Variants in GRK3 observed in about 807,000 individuals in gnomAD.
GRK3 encodes G protein-coupled receptor kinase 3.
In GRK3, 54 loss-of-function variants were observed where a neutral mutation model predicts 95.7. The observed-to-expected ratio is 0.56, with a 90% CI of 0.45 to 0.71. The LOEUF is 0.71. Among genes scored for constraint, GRK3 ranks in the 30% least tolerant of loss-of-function variants. The pLI is 0.00. For missense variants in GRK3, 649 were observed against 851.2 expected, an observed-to-expected ratio of 0.76 and a Z score of 2.96; for synonymous variants, 281 against 290.8, an observed-to-expected ratio of 0.97 and a Z score of 0.34.
At chr22:25,688,709 G>T (rs1162789236) in intron 11 of GRK3, among the ~76,000 whole-genome samples, 1 of 152,218 alleles carries the variant, frequency 6.6e-6, no homozygotes, top group Non-Finnish European at 1.5e-5. Context: ...CTTGGTCCTG[G>T]GTTTTACATG....
chr22:25,691,685 T>C (rs895201471), intron 12 of GRK3, among the ~76,000 whole-genome samples: 4 of 152,354 alleles, frequency 2.6e-5, no homozygotes, highest in African/African-American at 9.6e-5. Flanking sequence ...CAGTTTAGTA[T>C]AGTCATAACT....
chr22:25,660,237 T>A (rs2084901147), intron 3 of GRK3, among the ~76,000 whole-genome samples: 1 of 152,222 alleles, frequency 6.6e-6, no homozygotes, highest in South Asian at 2.1e-4. Context: ...TCACATCTGG[T>A]ATGGTGCTTG....
intron 15 of GRK3, among the ~76,000 whole-genome samples, chr22:25,707,456 G>A (rs1301610325): frequency 1.3e-5 from 2 of 152,204 alleles, no homozygotes; most frequent in African/African-American, 4.8e-5. Context: ...AAGTGGCTGA[G>A]GCAGTGCACA....
chr22:25,704,112 G>C lies in GRK3; in HGVS notation c.1231G>C (p.Val411Leu). The C allele has an allele frequency of 1.2e-6, 2 of 1,610,628 alleles. No homozygotes were observed. Among genetic ancestry groups the C allele is most frequent in the Non-Finnish European group, 1.7e-6 (2 of 1,177,974 alleles). ...ATCTTACTCGTCTTTTCCCCAGAAT[G>C]TGGAACTTCCAGACACCTTCTCTCC... ...EIDRMTLTVN[V>L]ELPDTFSPEL... Residue 411 changes from valine to leucine, a missense_variant, in exon 15 of 21, where the codon GTG becomes CTG. Around this residue, in one of 3 missense-constraint regions of GRK3, gnomAD observed 382 missense variants for 493.8 expected, o/e 0.77. Transcript: ENST00000324198.
At chr22:25,694,562 T>C (rs189867887) in intron 12 of GRK3, among the ~76,000 whole-genome samples, 34 of 152,362 alleles carry the variant, frequency 2.2e-4, no homozygotes, top group African/African-American at 6.7e-4. Flanking sequence ...CTCCATCTTA[T>C]GTACAACTGG....
chr22:25,572,796 C>T (rs1043814673), intron 1 of GRK3, among the ~76,000 whole-genome samples: 2 of 152,172 alleles, frequency 1.3e-5, no homozygotes, highest in African/African-American at 4.8e-5. Context: ...CTGAAAGCAG[C>T]TGGCTTCATT....
At chr22:25,719,723 C>T (rs1033239967) in intron 19 of GRK3, among the ~76,000 whole-genome samples, 1 of 151,074 alleles carries the variant, frequency 6.6e-6, no homozygotes, top group Non-Finnish European at 1.5e-5. Flanking sequence ...GGTGAGTCAT[C>T]GTAAGCAGGA....
chr22:25,604,350 T>TAAAAATGTGTCACTC, intron 1 of GRK3, 27 bp from the exon 2 acceptor site: 1 of 1,574,954 alleles, frequency 6.3e-7, no homozygotes. Flanking sequence ...GCTGTATTGT[T>TAAAAATGTGTCACTC]AAAAATGTGT....
At chr22:25,625,660 C>T (rs1193679329) in intron 2 of GRK3, among the ~76,000 whole-genome samples, 4 of 152,192 alleles carry the variant, frequency 2.6e-5, no homozygotes, top group Non-Finnish European at 5.9e-5. Context: ...GAGGCCTAAC[C>T]GTCTCCCTGT....
chr22:25,699,023 A>G (rs911628199), intron 13 of GRK3, among the ~76,000 whole-genome samples: 2 of 152,216 alleles, frequency 1.3e-5, no homozygotes, highest in African/African-American at 4.8e-5. Context: ...CAGCGTCTGT[A>G]AAATTTCAGT....
At chr22:25,711,720 T>C (rs1189783327) in intron 17 of GRK3, among the ~76,000 whole-genome samples, 2 of 152,146 alleles carry the variant, frequency 1.3e-5, no homozygotes, top group Admixed American at 6.5e-5. Flanking sequence ...TTTAAGATGC[T>C]GGGTCAAAGT....
intron 1 of GRK3, among the ~76,000 whole-genome samples, chr22:25,582,483 A>C (rs1028669483): frequency 6.6e-6 from 1 of 152,250 alleles, no homozygotes; most frequent in African/African-American, 2.4e-5. Context: ...ATTCAAGACC[A>C]AAATTCAAAT....
chr22:25,647,853 G>A (rs537834445), intron 3 of GRK3: 12 of 719,818 alleles, frequency 1.7e-5, no homozygotes, highest in Non-Finnish European at 2.8e-5. Flanking sequence ...GCTCATGCCT[G>A]TAATCCCAGC....
chr22:25,696,725 C>G (rs1271008863), intron 13 of GRK3, among the ~76,000 whole-genome samples: 1 of 152,212 alleles, frequency 6.6e-6, no homozygotes, highest in Non-Finnish European at 1.5e-5. Context: ...TCCCCCAAAA[C>G]TAGGTTCTGA....
chr22:25,714,392 T>G lies in GRK3; in HGVS notation c.1492-16T>G. ...TATGTTAAATCATAAATATCTTGAT[T>G]TCTTAAAATAATCAGCTACTTGATT... On this transcript the variant is annotated splice_polypyrimidine_tract_variant and intron_variant, in intron 17 of 20. Transcript: ENST00000324198. 1 of 1,592,200 alleles carries G rather than the reference T, an allele frequency of 6.3e-7. No individual in the cohort carries two copies. The highest frequency in any genetic ancestry group is 8.5e-7 in the Non-Finnish European group (1 of 1,172,198).
intron 1 of GRK3, among the ~76,000 whole-genome samples, chr22:25,601,601 T>C (rs2084409862): frequency 6.6e-6 from 1 of 152,110 alleles, no homozygotes; most frequent in African/African-American, 2.4e-5. Context: ...AAAGAAGCAA[T>C]GAAGACAATA....
chr22:25,584,245 A>C lies in GRK3; in HGVS notation c.113+19092A>C, dbSNP rs762545197. On this transcript the variant is annotated intron_variant, in intron 1 of 20. Transcript: ENST00000324198. The stretch of plus-strand genomic sequence containing the variant: ...TTGTCTGGAGTCAATTGAGGCCTGA[A>C]AATGTTACATGGAAAATTCCAGAAA... Among the ~76,000 whole-genome samples the C allele has an allele frequency of 4.0e-4, 61 of 152,366 alleles. 1 individual carries two copies. The Middle Eastern group carries it at 0.024, about 59-fold the overall frequency.
chr22:25,608,721 A>T (rs2084471707), intron 2 of GRK3, among the ~76,000 whole-genome samples: 1 of 152,226 alleles, frequency 6.6e-6, no homozygotes. Flanking sequence ...TTGGAGGCAG[A>T]TTCCTACTTG....
At chr22:25,596,611 C>A (rs2084374099) in intron 1 of GRK3, among the ~76,000 whole-genome samples, 2 of 152,190 alleles carry the variant, frequency 1.3e-5, no homozygotes, top group African/African-American at 4.8e-5. Context: ...CAGGGGCAAG[C>A]AACTGGCTAT....
Sources: gnomAD v4.1 joint callset for allele counts (sites outside exome capture counted in the v4.1 genomes callset) on GRCh38, gnomAD v4.1.1 for gene constraint, gnomAD v4.1.1 regional missense constraint, MANE v1.5 for transcripts, NCBI Gene and HGNC (gene_info 2026-07-23, HGNC 2026-07-21) for gene names.